SUMO2: variants seen among roughly 807,000 people sequenced by gnomAD.
SUMO2 encodes small ubiquitin like modifier 2, also known as small ubiquitin-related modifier 2.
Under a neutral mutation model 16.0 loss-of-function variants are expected in SUMO2, and 1 was observed. That is an observed-to-expected ratio of 0.06 (90% CI 0.02 to 0.30). The LOEUF is 0.30. SUMO2 is among the 10% of genes least tolerant of loss of function. SUMO2 has a pLI of 1.00. For missense variants in SUMO2, 16 were observed against 117.5 expected, an observed-to-expected ratio of 0.14 and a Z score of 3.99; for synonymous variants, 36 against 40.6, an observed-to-expected ratio of 0.89 and a Z score of 0.43.
At chr17:75,177,689 A>C (rs553061874) in intron 2 of SUMO2, among the ~76,000 whole-genome samples, 40 of 151,882 alleles carry the variant, frequency 2.6e-4, no homozygotes, top group Non-Finnish European at 5.1e-4. Context: ...CTTAAAAAAA[A>C]AAAAGAAAAG....
At chr17:75,172,038 ACTCTTTCACCC>A (rs2074743297) in intron 3 of SUMO2, among the ~76,000 whole-genome samples, 1 of 139,634 alleles carries the variant, frequency 7.2e-6, no homozygotes, top group African/African-American at 2.7e-5. Context: ...ACAGGGTTTC[ACTCTTTCACCC>A]AAGCTAGAGT....
chr17:75,171,528 TAAAAA>T (rs926460842), intron 3 of SUMO2, among the ~76,000 whole-genome samples: 1 of 150,812 alleles, frequency 6.6e-6, no homozygotes, highest in Non-Finnish European at 1.5e-5. Context: ...AATAAAAAAA[TAAAAA>T]AAAGCTGGGG....
rs192075861 is a variant in SUMO2 at position 75,182,523 on chromosome 17, C to A, written c.21+291G>T. 1.0e-3 allele frequency: 259 copies of A among 251,208 alleles called. 2 individuals carry two copies. Among genetic ancestry groups the A allele is most frequent in the African/African-American group, 5.7e-3 (252 of 44,242 alleles). The allele number at this position is 251,208 out of a possible 1,614,324, so 15.6% of individuals were successfully genotyped here. On this transcript the variant is annotated intron_variant, in intron 1 of 3. Transcript: ENST00000420826. ...GCCGGCCGGCTGGGCCAAGAATCCCCGTTCGGGGCTGGTGGGTCCGCGGGC... is the reference window on the plus strand; with the variant it reads ...GCCGGCCGGCTGGGCCAAGAATCCCAGTTCGGGGCTGGTGGGTCCGCGGGC...
rs539042728 is a variant in SUMO2 at position 75,181,853 on chromosome 17, C to T, written c.22-665G>A. ...CCTCCCCCCCTTTGTTGTCATGGGT[C>T]AAATACACAGTTTTATCCTGATTTG... is the stretch of plus-strand genomic sequence containing the variant. On this transcript the variant is annotated intron_variant, in intron 1 of 3. Transcript: ENST00000420826. Among the ~76,000 whole-genome samples the T allele has an allele frequency of 5.3e-5, 8 of 152,002 alleles. No individual in the cohort carries two copies. In the East Asian group the frequency reaches 1.5e-3, roughly 29 times the overall value.
intron 2 of SUMO2, among the ~76,000 whole-genome samples, chr17:75,179,662 T>G (rs1054909251): frequency 6.6e-6 from 1 of 151,834 alleles, no homozygotes; most frequent in African/African-American, 2.4e-5. Context: ...TTCTAAAGTT[T>G]TTTTTTTTTT....
chr17:75,174,881 T>C, intron 2 of SUMO2, 58 bp from the exon 3 acceptor site: 3 of 1,442,610 alleles, frequency 2.1e-6, no homozygotes, highest in Non-Finnish European at 2.9e-6. Flanking sequence ...TCTATTTACA[T>C]AAAAGTACAT....
At position 75,168,215 on chromosome 17, in the gene SUMO2, A is replaced by G. The variant is rs1025494430; in HGVS notation, c.*124T>C. ...AAGGAATGGGGAAGGGGGAAATGAA[A>G]GAATAGAGAAAACTATACGGTAGTA... On this transcript the variant is annotated 3_prime_UTR_variant, in exon 4 of 4. Coordinates refer to ENST00000420826, the MANE Select transcript of SUMO2 (RefSeq NM_006937.4). 12 of 691,978 alleles carry G rather than the reference A, an allele frequency of 1.7e-5. No homozygotes were observed. In the Admixed American group the frequency reaches 3.3e-4, roughly 19 times the overall value. The allele number at this position is 691,978 out of a possible 1,614,324, so 42.9% of individuals were successfully genotyped here. A position where few individuals can be genotyped will look rare whatever the true frequency, so the allele number is the denominator to read the frequency against.
At chr17:75,172,026 T>G (rs993658965) in intron 3 of SUMO2, among the ~76,000 whole-genome samples, 6 of 150,960 alleles carry the variant, frequency 4.0e-5, no homozygotes, top group African/African-American at 9.7e-5. Context: ...TTTTTTTTTT[T>G]GACAGGGTTT....
Position 75,168,462 on chromosome 17 carries a change from T to C in SUMO2, c.226-61A>G. On this transcript the variant is annotated intron_variant, in intron 3 of 3. Coordinates refer to ENST00000420826, the MANE Select transcript of SUMO2 (RefSeq NM_006937.4). ...ATTAAGTTCTGAAAATTAATGATTT[T>C]TGGGTTTAAGTATGCTGAAAACATG... 2.0e-6 allele frequency: 3 copies of C among 1,495,942 alleles called. No homozygotes were observed. In the South Asian group the frequency reaches 3.8e-5, roughly 19 times the overall value. 92.7% of individuals were successfully genotyped at this position (1,495,942 alleles called of 1,614,324 possible). A position where few individuals can be genotyped will look rare whatever the true frequency, so the allele number is the denominator to read the frequency against.
chr17:75,171,092 C>A (rs537591011), intron 3 of SUMO2, among the ~76,000 whole-genome samples: 1 of 151,466 alleles, frequency 6.6e-6, no homozygotes, highest in South Asian at 2.1e-4. Flanking sequence ...AAGTACACCC[C>A]AAGGAGCAAA....
chr17:75,171,202 T>C (rs2145217415), intron 3 of SUMO2, among the ~76,000 whole-genome samples: 1 of 151,790 alleles, frequency 6.6e-6, no homozygotes, highest in South Asian at 2.1e-4. Context: ...CAATCTTGGC[T>C]CACTGCAACC....
Position 75,168,419 on chromosome 17 carries a change from A to G in SUMO2, c.226-18T>C, listed in dbSNP as rs1308869924. The G allele has an allele frequency of 6.9e-6, 11 of 1,596,656 alleles. No individual in the cohort carries two copies. On this transcript the variant is annotated intron_variant, in intron 3 of 3. Coordinates refer to ENST00000420826, the MANE Select transcript of SUMO2 (RefSeq NM_006937.4). Reference sequence around the variant, plus strand: ...ATTTCCAACTAGCATAAAAGAAAAAACAAATGTAAAAGCACTGATTAAGTT... The same window carrying G: ...ATTTCCAACTAGCATAAAAGAAAAAGCAAATGTAAAAGCACTGATTAAGTT...
intron 3 of SUMO2, among the ~76,000 whole-genome samples, chr17:75,174,031 T>G (rs983097853): frequency 5.3e-5 from 8 of 152,196 alleles, no homozygotes; most frequent in Non-Finnish European, 1.2e-4. Flanking sequence ...ATTAGGGCTA[T>G]TAGTTCCTTT....
In SUMO2 at chr17:75,182,701, C is replaced by G. The variant is rs923802701; in HGVS notation, c.21+113G>C. On this transcript the variant is annotated intron_variant, in intron 1 of 3. Coordinates refer to ENST00000420826, the MANE Select transcript of SUMO2 (RefSeq NM_006937.4). ...CGCCCGGGCCTGAGCCGCGGCCGGC[C>G]CCGTGGGGGGCCCGGGAAAGCGCTG... is the stretch of plus-strand genomic sequence containing the variant. 17 of 935,588 alleles carry G rather than the reference C, an allele frequency of 1.8e-5. No homozygotes were observed. In the African/African-American group the frequency reaches 2.6e-4, roughly 15 times the overall value. The allele number at this position is 935,588 out of a possible 1,614,324, so 58.0% of individuals were successfully genotyped here. A position where few individuals can be genotyped will look rare whatever the true frequency, so the allele number is the denominator to read the frequency against.
chr17:75,176,141 G>A (rs759299204), intron 2 of SUMO2, among the ~76,000 whole-genome samples: 1 of 151,828 alleles, frequency 6.6e-6, no homozygotes, highest in African/African-American at 2.4e-5. Context: ...CGGAGTTCAA[G>A]TGACTTTCCT....
intron 3 of SUMO2, among the ~76,000 whole-genome samples, chr17:75,168,957 T>C (rs1598220429): frequency 6.6e-6 from 1 of 151,064 alleles, no homozygotes; most frequent in Non-Finnish European, 1.5e-5. Context: ...CGGTGGCTCA[T>C]GCCTGTAATC....
intron 3 of SUMO2, among the ~76,000 whole-genome samples, chr17:75,170,824 T>C (rs1168739719): frequency 1.5e-5 from 2 of 137,820 alleles, no homozygotes; most frequent in Non-Finnish European, 3.0e-5. Context: ...CACTCCAGCC[T>C]GGGTGACAGT....
intron 2 of SUMO2, among the ~76,000 whole-genome samples, chr17:75,179,014 C>T (rs1232320690): frequency 6.6e-6 from 1 of 152,184 alleles, no homozygotes; most frequent in Non-Finnish European, 1.5e-5. Context: ...GGTCTTCCAG[C>T]CTTGGCCTCC....
intron 2 of SUMO2, among the ~76,000 whole-genome samples, chr17:75,179,656 A>G (rs903158016): frequency 7.2e-5 from 11 of 151,954 alleles, no homozygotes; most frequent in Admixed American, 2.6e-4. Flanking sequence ...CAAACATTCT[A>G]AAGTTTTTTT....
Sources: allele counts gnomAD v4.1 joint callset (sites outside exome capture counted in the v4.1 genomes callset), GRCh38; gene constraint gnomAD v4.1.1; transcripts MANE v1.5; gene names NCBI Gene and HGNC (gene_info 2026-07-23, HGNC 2026-07-21).